The following BRAF variants were observed in gnomAD, a reference collection of about 807,000 sequenced individuals.
BRAF encodes serine/threonine-protein kinase B-raf.
Under a neutral mutation model 104.6 loss-of-function variants are expected in BRAF, and 16 were observed. That is an observed-to-expected ratio of 0.15 (90% confidence interval 0.10 to 0.23). The LOEUF (loss-of-function observed/expected upper bound fraction) is 0.23. BRAF is among the 10% of genes least tolerant of loss of function. The probability of loss-of-function intolerance (pLI) is 1.00; values close to 1 mark genes in which losing one functional copy is unlikely to be tolerated. For synonymous variants in BRAF, 310 were observed against 341.6 expected (o/e 0.91, Z 1.02); for missense variants, 541 against 937.3 (o/e 0.58, Z 5.52).
At chr7:140,880,981 T>C (rs1045442554) in intron 1 of BRAF, among the ~76,000 whole-genome samples, 2 of 151,940 alleles carry the variant, frequency 1.3e-5, no homozygotes, top group Non-Finnish European at 2.9e-5. Flanking sequence ...CACACACACA[T>C]AGAAAACAGA....
intron 14 of BRAF, among the ~76,000 whole-genome samples, chr7:140,767,431 G>A (rs971531476): frequency 2.6e-5 from 4 of 152,148 alleles, no homozygotes; most frequent in Admixed American, 6.5e-5. Context: ...TACAAATGGA[G>A]GGATTGGCTT....
chr7:140,751,220 C>T (rs1295738135), intron 16 of BRAF, among the ~76,000 whole-genome samples: 2 of 152,238 alleles, frequency 1.3e-5, no homozygotes, highest in African/African-American at 2.4e-5. Flanking sequence ...TAATAATCTA[C>T]AAACTGTATA....
intron 1 of BRAF, among the ~76,000 whole-genome samples, chr7:140,906,274 T>C (rs982527803): frequency 2.0e-5 from 3 of 151,786 alleles, no homozygotes; most frequent in Non-Finnish European, 2.9e-5. Flanking sequence ...CGACCAAGGA[T>C]CACTGCAGCC....
intron 15 of BRAF, chr7:140,753,605 T>G (rs72558382): frequency 2.1e-5 from 9 of 431,608 alleles, no homozygotes; most frequent in East Asian, 1.4e-4. Flanking sequence ...TTAAGATTTT[T>G]GGGGCTTGAA....
rs538331233 is a variant in BRAF at position 140,923,278 on chromosome 7, C to A, written c.138+1288G>T. On this transcript the variant is annotated intron_variant, in intron 1 of 19. Transcript: ENST00000644969. ...AGTAAGTAGCAAAGAGAACTTCGAG[C>A]AAAGTCAACAGAGTAAGTCACATTA... Among the ~76,000 whole-genome samples, 12 of 152,140 alleles carry A rather than the reference C, an allele frequency of 7.9e-5. 1 individual carries two copies. In the South Asian group the frequency reaches 2.5e-3, roughly 32 times the overall value.
intron 17 of BRAF, among the ~76,000 whole-genome samples, chr7:140,744,220 AG>A (rs1032006591): frequency 2.6e-5 from 4 of 152,238 alleles, no homozygotes; most frequent in African/African-American, 9.6e-5. Context: ...AACTAAGGTC[AG>A]CCCCGCAGGT....
chr7:140,802,236 T>C (rs889716282), intron 5 of BRAF, among the ~76,000 whole-genome samples: 3 of 151,834 alleles, frequency 2.0e-5, no homozygotes, highest in Admixed American at 2.0e-4. Flanking sequence ...TATTGCCTAG[T>C]GATACCTTGA....
At chr7:140,750,213 G>A (rs146347977) in intron 16 of BRAF, among the ~76,000 whole-genome samples, 1 of 152,228 alleles carries the variant, frequency 6.6e-6, no homozygotes, top group Non-Finnish European at 1.5e-5. Flanking sequence ...CATTTGGAAG[G>A]AATCGAAATG....
At position 140,720,700 on chromosome 7, in the gene BRAF, T is replaced by C. The variant is rs1370837696; in HGVS notation, c.*5794A>G. 4 of 1,065,824 alleles carry C rather than the reference T, an allele frequency of 3.8e-6. No homozygotes were observed. Among genetic ancestry groups the C allele is most frequent in the Admixed American group, 1.1e-4 (2 of 18,762 alleles). 66.0% of individuals were successfully genotyped at this position (1,065,824 alleles called of 1,614,324 possible). A position where few individuals can be genotyped will look rare whatever the true frequency, so the allele number is the denominator to read the frequency against. The stretch of plus-strand genomic sequence containing the variant: ...TTTTGGTCTCTGTTCTCTACATCTG[T>C]GCCTACTCTGTGAGCTTTGTTGTTT... On this transcript the variant is annotated 3_prime_UTR_variant, in exon 20 of 20. Coordinates refer to ENST00000644969, the MANE Select transcript of BRAF (RefSeq NM_001374258.1).
chr7:140,716,500 A>G (rs989324487), downstream of BRAF, among the ~76,000 whole-genome samples: 7 of 152,198 alleles, frequency 4.6e-5, no homozygotes, highest in Non-Finnish European at 8.8e-5. Context: ...ATTTTTATAG[A>G]AAAACTTCCA....
chr7:140,800,606 T>A, intron 6 of BRAF, 125 bp from the exon 7 acceptor site: 1 of 1,466,534 alleles, frequency 6.8e-7, no homozygotes, highest in Non-Finnish European at 9.4e-7. Context: ...TAAAATTCAA[T>A]TAGTTGTATT....
chr7:140,923,194 C>CAA (rs149310780), intron 1 of BRAF, among the ~76,000 whole-genome samples: 43 of 147,078 alleles, frequency 2.9e-4, no homozygotes, highest in African/African-American at 1.0e-3. Flanking sequence ...GATGATGATG[C>CAA]AAAAAAAAAA....
chr7:140,871,392 A>G (rs1811579719), intron 1 of BRAF, among the ~76,000 whole-genome samples: 1 of 152,158 alleles, frequency 6.6e-6, no homozygotes, highest in Non-Finnish European at 1.5e-5. Flanking sequence ...TCTGGCCACC[A>G]CAGGGACAGA....
At chr7:140,766,433 G>T (rs1799326529) in intron 14 of BRAF, among the ~76,000 whole-genome samples, 1 of 148,934 alleles carries the variant, frequency 6.7e-6, no homozygotes, top group South Asian at 2.2e-4. Context: ...AAAACTGAAA[G>T]TATAATAATA....
chr7:140,904,638 A>G (rs1349158552), intron 1 of BRAF, among the ~76,000 whole-genome samples: 1 of 151,994 alleles, frequency 6.6e-6, no homozygotes, highest in Non-Finnish European at 1.5e-5. Flanking sequence ...TTTTAGAGGG[A>G]GTCTCGCTCT....
chr7:140,918,459 C>A (rs898162030), intron 1 of BRAF, among the ~76,000 whole-genome samples: 1 of 152,200 alleles, frequency 6.6e-6, no homozygotes, highest in Non-Finnish European at 1.5e-5. Context: ...TGCCACTCAC[C>A]TCCTGCGGTG....
rs1214267881 is a variant in BRAF, at chr7:140,924,857, G to C, written c.-154C>G. ...AGCGGCCCGGGCGGCGCCGCGGGCG[G>C]AGGGCGCCTGGGCCACCTCAGGTAC... On this transcript the variant is annotated 5_prime_UTR_variant, in exon 1 of 20. Transcript: ENST00000644969. This position sits in a 1 kb window ranked among gnomAD's most constrained non-coding sequence, Gnocchi z 4.2. 1 of 269,152 alleles carries C rather than the reference G, an allele frequency of 3.7e-6. No homozygotes were observed. Among genetic ancestry groups the C allele is most frequent in the East Asian group, 6.9e-5 (1 of 14,472 alleles). The allele number at this position is 269,152 out of a possible 1,614,324, so 16.7% of individuals were successfully genotyped here. A position where few individuals can be genotyped will look rare whatever the true frequency, so the allele number is the denominator to read the frequency against.
At chr7:140,771,791 C>T (rs184834942) in intron 14 of BRAF, among the ~76,000 whole-genome samples, 1 of 152,172 alleles carries the variant, frequency 6.6e-6, no homozygotes, top group East Asian at 1.9e-4. Flanking sequence ...AGGATATAGA[C>T]ATGAAGAGTT....
intron 7 of BRAF, among the ~76,000 whole-genome samples, chr7:140,795,308 T>C (rs566783097): frequency 1.3e-5 from 2 of 152,300 alleles, no homozygotes; most frequent in South Asian, 2.1e-4. Context: ...TGGAAGGATG[T>C]AGCCCCTCAG....
Sources: gnomAD v4.1 joint callset for allele counts (sites outside exome capture counted in the v4.1 genomes callset) on GRCh38, gnomAD v4.1.1 for gene constraint, Gnocchi (gnomAD v3.1) non-coding constraint, MANE v1.5 for transcripts, NCBI Gene and HGNC (gene_info 2026-07-23, HGNC 2026-07-21) for gene names.